Variants in CHCHD3 observed in about 807,000 individuals in gnomAD.
The protein encoded by CHCHD3 is MICOS complex subunit MIC19.
Under a neutral mutation model 38.2 loss-of-function variants are expected in CHCHD3, and 20 were observed. That is an observed-to-expected ratio of 0.52 (90% CI 0.37 to 0.76). The LOEUF (loss-of-function observed/expected upper bound fraction) is 0.76. Ranked by LOEUF, CHCHD3 falls within the 30% of genes least tolerant of loss-of-function variation. CHCHD3 has a pLI of 0.00. For synonymous variants in CHCHD3, 82 were observed against 100.0 expected (o/e 0.82, Z 1.07); for missense variants, 245 against 279.2 (o/e 0.88, Z 0.87).
At chr7:132,869,893 A>C (rs1374186027) in intron 5 of CHCHD3, among the ~76,000 whole-genome samples, 3 of 152,058 alleles carry the variant, frequency 2.0e-5, no homozygotes, top group Non-Finnish European at 4.4e-5. Context: ...GAGAAATCCC[A>C]TTTCATCAAA....
chr7:132,986,034 A>G (rs893122902), intron 3 of CHCHD3, among the ~76,000 whole-genome samples: 1 of 150,918 alleles, frequency 6.6e-6, no homozygotes, highest in African/African-American at 2.4e-5. Context: ...TAGACATGGG[A>G]GACTTTTCAT....
chr7:132,813,927 G>A (rs775636491), intron 6 of CHCHD3, among the ~76,000 whole-genome samples: 2 of 152,132 alleles, frequency 1.3e-5, no homozygotes, highest in African/African-American at 2.4e-5. Flanking sequence ...ACGTGCTCAC[G>A]GGGAGCAACA....
At chr7:133,040,030 G>A (rs1204624337) in intron 2 of CHCHD3, among the ~76,000 whole-genome samples, 1 of 152,034 alleles carries the variant, frequency 6.6e-6, no homozygotes, top group East Asian at 1.9e-4. Flanking sequence ...TGTAACTTAG[G>A]GTCTCCATTA....
chr7:132,966,895 T>G (rs746435486), intron 4 of CHCHD3, among the ~76,000 whole-genome samples: 3 of 152,216 alleles, frequency 2.0e-5, no homozygotes, highest in Non-Finnish European at 2.9e-5. Context: ...GAAATGAGAT[T>G]ATGATGTCAG....
rs762748450 is a variant in CHCHD3, at chr7:133,024,653, G to T, written c.170-26C>A. 2.9e-5 allele frequency: 43 copies of T among 1,481,566 alleles called. No individual in the cohort carries two copies. In the East Asian group the frequency reaches 8.6e-4, roughly 30 times the overall value. 91.8% of individuals were successfully genotyped at this position (1,481,566 alleles called of 1,614,324 possible). A position where few individuals can be genotyped will look rare whatever the true frequency, so the allele number is the denominator to read the frequency against. On this transcript the variant is annotated intron_variant, in intron 2 of 7. Coordinates refer to ENST00000262570, the MANE Select transcript of CHCHD3 (RefSeq NM_017812.4). Reference sequence around the variant, plus strand: ...CTAGAATCGATAAAGAGCAGAAGGAGATAAAATAGGTGACTTCTTAAAAAT... The same window carrying T: ...CTAGAATCGATAAAGAGCAGAAGGATATAAAATAGGTGACTTCTTAAAAAT...
rs1808665279 is a variant in CHCHD3 at position 132,867,604 on chromosome 7, A to T, written c.453+18058T>A. 2.6e-5 allele frequency among the ~76,000 whole-genome samples: 4 copies of T among 152,188 alleles called. 1 individual carries two copies. The highest frequency in any genetic ancestry group is 1.3e-4 in the Admixed American group (2 of 15,274). On this transcript the variant is annotated intron_variant, in intron 5 of 7. Coordinates refer to ENST00000262570, the MANE Select transcript of CHCHD3 (RefSeq NM_017812.4). ...CTCCTTAAAACGTCCACAGATAAAG[A>T]AAGTTACTAATACAATAATAGAAAT...
chr7:132,897,560 T>C (rs904563485), intron 4 of CHCHD3, among the ~76,000 whole-genome samples: 11 of 152,180 alleles, frequency 7.2e-5, no homozygotes, highest in African/African-American at 2.7e-4. Flanking sequence ...AGAAAGAGAA[T>C]TGGTTCTGGG....
intron 2 of CHCHD3, among the ~76,000 whole-genome samples, chr7:133,056,696 G>A (rs1307821889): frequency 6.6e-6 from 1 of 152,270 alleles, no homozygotes; most frequent in East Asian, 1.9e-4. Flanking sequence ...GTAAAAGGTG[G>A]CAGTGAAGTT....
At position 132,960,641 on chromosome 7, in the gene CHCHD3, G is replaced by A. The variant is rs535488034; in HGVS notation, c.369+14528C>T. The stretch of plus-strand genomic sequence containing the variant: ...GGTGTTTAGAAAGGAGAAAAACAAC[G>A]TCAGAAATTAGCAAAACAGAAGATC... On this transcript the variant is annotated intron_variant, in intron 4 of 7. Transcript: ENST00000262570. Among the ~76,000 whole-genome samples, 9 of 152,152 alleles carry A rather than the reference G, an allele frequency of 5.9e-5. No individual in the cohort carries two copies. In the East Asian group the frequency reaches 1.2e-3, roughly 20 times the overall value.
At chr7:132,903,671 G>A (rs1317635805) in intron 4 of CHCHD3, among the ~76,000 whole-genome samples, 1 of 152,114 alleles carries the variant, frequency 6.6e-6, no homozygotes, top group Non-Finnish European at 1.5e-5. Flanking sequence ...TAACTACCTG[G>A]CATGGGTATC....
intron 4 of CHCHD3, among the ~76,000 whole-genome samples, chr7:132,904,255 T>C (rs976327760): frequency 2.0e-5 from 3 of 151,664 alleles, no homozygotes; most frequent in Non-Finnish European, 4.4e-5. Flanking sequence ...CAGCAAGACT[T>C]TGTGTCTAGA....
At chr7:132,850,438 G>GTTTTTTTTTTTTTTTTTTTT (rs55705092) in intron 5 of CHCHD3, among the ~76,000 whole-genome samples, 1 of 141,794 alleles carries the variant, frequency 7.1e-6, no homozygotes, top group African/African-American at 2.6e-5. Flanking sequence ...AGAGTCTCAG[G>GTTTTTTTTTTTTTTTTTTTT]TTTTTTTTTT....
At chr7:133,036,697 T>A (rs892852613) in intron 2 of CHCHD3, among the ~76,000 whole-genome samples, 4 of 152,222 alleles carry the variant, frequency 2.6e-5, no homozygotes, top group Non-Finnish European at 5.9e-5. Flanking sequence ...AGGTTTCTCT[T>A]GAAGATGAAA....
intron 6 of CHCHD3, among the ~76,000 whole-genome samples, chr7:132,828,189 C>A (rs547151365): frequency 6.6e-6 from 1 of 152,294 alleles, no homozygotes; most frequent in Non-Finnish European, 1.5e-5. Context: ...TTATAAGGAA[C>A]TGCCAACATT....
intron 5 of CHCHD3, among the ~76,000 whole-genome samples, chr7:132,876,924 T>C (rs1808928829): frequency 2.0e-5 from 3 of 152,174 alleles, no homozygotes; most frequent in Admixed American, 1.3e-4. Flanking sequence ...CTATTTACTG[T>C]AGCAAGCAGG....
chr7:133,050,877 G>A (rs1024018161), intron 2 of CHCHD3, among the ~76,000 whole-genome samples: 3 of 151,952 alleles, frequency 2.0e-5, no homozygotes, highest in Non-Finnish European at 4.4e-5. Flanking sequence ...TTAGCCAGGC[G>A]TGGTGGAACG....
intron 4 of CHCHD3, among the ~76,000 whole-genome samples, chr7:132,944,652 G>A (rs935329927): frequency 4.0e-5 from 6 of 151,650 alleles, no homozygotes; most frequent in African/African-American, 1.2e-4. Flanking sequence ...AATATGAGCC[G>A]AAATTTGTAC....
rs1038133224 is a variant in CHCHD3, at chr7:132,865,741, G to A, written c.453+19921C>T. Among the ~76,000 whole-genome samples, 6 of 152,140 alleles carry A rather than the reference G, an allele frequency of 3.9e-5. No homozygotes were observed. In the East Asian group the frequency reaches 9.6e-4, roughly 24 times the overall value. On this transcript the variant is annotated intron_variant, in intron 5 of 7. Coordinates refer to ENST00000262570, the MANE Select transcript of CHCHD3 (RefSeq NM_017812.4). ...CTTCTAACGAGCAAAGGCAGCCCCC[G>A]AGCTTCTACCACTGTTCCTATTTAT...
chr7:132,845,926 A>C (rs1808066295), intron 5 of CHCHD3, among the ~76,000 whole-genome samples: 1 of 152,176 alleles, frequency 6.6e-6, no homozygotes, highest in Non-Finnish European at 1.5e-5. Flanking sequence ...ATGAAGATTG[A>C]TGGTATCACC....
Sources: gnomAD v4.1 joint callset for allele counts (sites outside exome capture counted in the v4.1 genomes callset) on GRCh38, gnomAD v4.1.1 for gene constraint, MANE v1.5 for transcripts, NCBI Gene and HGNC (gene_info 2026-07-23, HGNC 2026-07-21) for gene names.